TCF7L2: variants seen among roughly 807,000 people sequenced by gnomAD.
TCF7L2 encodes transcription factor 7-like 2.
TCF7L2 carries 23 observed loss-of-function variants against 77.9 expected under a neutral mutation model. That is an observed-to-expected ratio of 0.30 (90% CI 0.21 to 0.42). The LOEUF is 0.42. TCF7L2 is among the 10% of genes least tolerant of loss of function. The pLI, the probability that TCF7L2 is intolerant of heterozygous loss-of-function variation, is 1.00. For synonymous variants in TCF7L2, 413 were observed against 340.2 expected (o/e 1.21, Z -2.36); for missense variants, 654 against 793.1 (o/e 0.82, Z 2.11).
In TCF7L2 at chr10:112,951,268, A is replaced by T; in HGVS notation, c.251A>T (p.Glu84Val). 1 of 1,547,512 alleles carries T rather than the reference A, an allele frequency of 6.5e-7. No homozygotes were observed. Among genetic ancestry groups the T allele is most frequent in the Non-Finnish European group, 8.7e-7 (1 of 1,148,742 alleles). Residue 84 changes from glutamate to valine, a missense_variant, in exon 2 of 14, where the codon GAA becomes GTA. Coordinates refer to ENST00000627217, the MANE Select transcript of TCF7L2 (RefSeq NM_001146274.2). Reference sequence around the variant, plus strand: ...CGAGACAAATCCCGGGAAAGTTTGGAAGAAGGTGAGTACGCCCCGCGCGCC... The same window carrying T: ...CGAGACAAATCCCGGGAAAGTTTGGTAGAAGGTGAGTACGCCCCGCGCGCC...
intron 5 of TCF7L2, chr10:113,129,706 C>T (rs537461601): frequency 1.6e-4 from 195 of 1,198,166 alleles, no homozygotes; most frequent in Non-Finnish European, 2.0e-4. Context: ...TGCTTTTTTT[C>T]AGTTCTTTAA....
chr10:113,161,746 T>C lies in TCF7L2; in HGVS notation c.1391+1055T>C, dbSNP rs2073196294. ...ATCCCATTACGTGCATGCCCACGAG[T>C]CTCCTGTGTCTCTTCCCCCCTTCTC... On this transcript the variant is annotated intron_variant, in intron 13 of 13. Coordinates refer to ENST00000627217, the MANE Select transcript of TCF7L2 (RefSeq NM_001146274.2). 6 of 850,980 alleles carry C rather than the reference T, an allele frequency of 7.1e-6. No homozygotes were observed. In the Admixed American group the frequency reaches 1.3e-4, roughly 18 times the overall value. The allele number at this position is 850,980 out of a possible 1,614,324, so 52.7% of individuals were successfully genotyped here.
rs370783850 is a variant in TCF7L2, at chr10:113,152,448, G to A, written c.1269+8G>A. 6.9e-5 allele frequency: 111 copies of A among 1,607,590 alleles called. No individual in the cohort carries two copies. Among genetic ancestry groups the A allele is most frequent in the Middle Eastern group, 3.3e-4 (2 of 6,030 alleles). ...TCCGCGCGGGATAACTATGTAGGTG[G>A]ATCATTTTCGTTAGGATTGGAGTCT... On this transcript the variant is annotated splice_region_variant and intron_variant, in intron 11 of 13. Coordinates refer to ENST00000627217, the MANE Select transcript of TCF7L2 (RefSeq NM_001146274.2).
intron 3 of TCF7L2, among the ~76,000 whole-genome samples, chr10:112,961,265 C>CCA (rs2035113918): frequency 7.4e-6 from 1 of 134,810 alleles, no homozygotes; most frequent in Non-Finnish European, 1.6e-5. Flanking sequence ...CCCCCCCCCC[C>CCA]CCAACCTCGG....
At chr10:112,962,706 T>C (rs1259385189) in intron 3 of TCF7L2, among the ~76,000 whole-genome samples, 3 of 152,112 alleles carry the variant, frequency 2.0e-5, no homozygotes, top group Non-Finnish European at 4.4e-5. Flanking sequence ...CCAAGCAATT[T>C]TCCTGCCTCA....
intron 5 of TCF7L2, among the ~76,000 whole-genome samples, chr10:113,048,416 C>T (rs189701973): frequency 4.0e-4 from 61 of 152,260 alleles, no homozygotes; most frequent in African/African-American, 1.5e-3. Flanking sequence ...GCTCTCTCTC[C>T]TCCCACAATG....
At chr10:113,085,226 AT>A (rs397702488) in intron 5 of TCF7L2, among the ~76,000 whole-genome samples, 32,654 of 139,532 alleles carry the variant, frequency 0.23, 3,951 homozygotes, top group South Asian at 0.33. Flanking sequence ...ACATCTGGCT[AT>A]TTTTTTTTTT....
Position 112,991,079 on chromosome 10 carries a change from G to A in TCF7L2, c.450+26455G>A, listed in dbSNP as rs144338707. 3.0e-3 allele frequency among the ~76,000 whole-genome samples: 453 copies of A among 152,290 alleles called. 6 individuals are homozygous for A. The highest frequency in any genetic ancestry group is 0.011 in the African/African-American group (443 of 41,560). On this transcript the variant is annotated intron_variant, in intron 4 of 13. Coordinates refer to ENST00000627217, the MANE Select transcript of TCF7L2 (RefSeq NM_001146274.2). ...TGCCAGGTGGAGTGGACATGCCAAA[G>A]TTGTGGGCCAGACTCGGACTGCCTG...
At chr10:113,094,049 T>A (rs2060672517) in intron 5 of TCF7L2, among the ~76,000 whole-genome samples, 2 of 152,228 alleles carry the variant, frequency 1.3e-5, no homozygotes, top group Admixed American at 1.3e-4. Flanking sequence ...TTGCTGGTGT[T>A]GAGCCTGTTT....
At chr10:113,078,109 A>G (rs1397757986) in intron 5 of TCF7L2, among the ~76,000 whole-genome samples, 1 of 142,870 alleles carries the variant, frequency 7.0e-6, no homozygotes, top group Non-Finnish European at 1.5e-5. Flanking sequence ...CCCATTCATC[A>G]GTTGATGGCA....
chr10:113,089,170 G>A lies in TCF7L2; in HGVS notation c.552+49044G>A, dbSNP rs1179627685. Among the ~76,000 whole-genome samples the A allele has an allele frequency of 2.0e-5, 3 of 152,280 alleles. No homozygotes were observed. In the East Asian group the frequency reaches 5.8e-4, roughly 29 times the overall value. ...TAGGGGTGGGAATACACAACAGGAA[G>A]GCTGCCTGGAGGAGGTTGCATTTCA... On this transcript the variant is annotated intron_variant, in intron 5 of 13. Coordinates refer to ENST00000627217, the MANE Select transcript of TCF7L2 (RefSeq NM_001146274.2).
intron 3 of TCF7L2, among the ~76,000 whole-genome samples, chr10:112,958,669 A>G (rs923039099): frequency 6.6e-6 from 1 of 152,134 alleles, no homozygotes; most frequent in Non-Finnish European, 1.5e-5. Flanking sequence ...TGCTGGGCCA[A>G]TTATGATGTA....
At chr10:112,951,731 C>T in intron 3 of TCF7L2, 124 bp downstream of exon 3, 4 of 357,154 alleles carry the variant, frequency 1.1e-5, no homozygotes, top group Non-Finnish European at 1.6e-5. Context: ...CCCCTCCCTC[C>T]CTCCCCTCCC....
At chr10:113,073,099 CGT>C (rs71489997) in intron 5 of TCF7L2, among the ~76,000 whole-genome samples, 2,216 of 103,982 alleles carry the variant, frequency 0.021, 30 homozygotes, top group East Asian at 0.05. Context: ...AGGGCCAGGT[CGT>C]GTGTGTGTGT....
rs141060651 is a variant in TCF7L2 at position 112,966,184 on chromosome 10, T to TTATATATA, written c.450+1580_450+1587dup. ...GAGTGAGACTCTGTCTAAAATATAT[T>TTATATATA]TATATATATATATATATATATATAT... On this transcript the variant is annotated intron_variant, in intron 4 of 13. Transcript: ENST00000627217. Among the ~76,000 whole-genome samples, 398 of 114,214 alleles carry TTATATATA rather than the reference T, an allele frequency of 3.5e-3. 45 individuals carry two copies. The highest frequency in any genetic ancestry group is 0.017 in the African/African-American group (357 of 21,000). 74.9% of individuals were successfully genotyped at this position (114,214 alleles called of 152,430 possible).
intron 6 of TCF7L2, among the ~76,000 whole-genome samples, 174 bp downstream of exon 6, chr10:113,141,490 T>G (rs896422004): frequency 6.6e-6 from 1 of 152,158 alleles, no homozygotes; most frequent in African/African-American, 2.4e-5. Flanking sequence ...TTGGGGTGGT[T>G]GAGGCCTGGT....
chr10:113,039,337 A>G (rs532607612), intron 4 of TCF7L2, among the ~76,000 whole-genome samples: 27 of 152,308 alleles, frequency 1.8e-4, no homozygotes, highest in African/African-American at 6.5e-4. Flanking sequence ...GAATTGATGT[A>G]CACCTTTATT....
At chr10:113,131,903 C>CTAATTAAA (rs2066661266) in intron 5 of TCF7L2, 1 of 152,184 alleles carries the variant, frequency 6.6e-6, no homozygotes, top group Non-Finnish European at 1.5e-5. Context: ...TGGGTCACTC[C>CTAATTAAA]CTCGTTACCT....
chr10:113,133,547 G>C (rs2066928879), intron 5 of TCF7L2, among the ~76,000 whole-genome samples: 1 of 152,212 alleles, frequency 6.6e-6, no homozygotes. Context: ...CCCCAAGAAA[G>C]GCCAAGGACT....
Sources: allele counts gnomAD v4.1 joint callset (sites outside exome capture counted in the v4.1 genomes callset), GRCh38; gene constraint gnomAD v4.1.1; transcripts MANE v1.5; gene names NCBI Gene and HGNC (gene_info 2026-07-23, HGNC 2026-07-21).